PGAM4: variants seen among roughly 807,000 people sequenced by gnomAD.
The protein encoded by PGAM4 is phosphoglycerate mutase 4.
PGAM4 carries 7 observed loss-of-function variants against 10.8 expected under a neutral mutation model. That is an observed-to-expected ratio of 0.65 (90% CI 0.37 to 1.21). The LOEUF (loss-of-function observed/expected upper bound fraction) is 1.21, where lower values mean the gene tolerates loss of function less well. Ranked by LOEUF, PGAM4 falls within the 50% of genes most tolerant of loss-of-function variation. PGAM4 has a pLI of 0.02. For synonymous variants in PGAM4, 55 were observed against 90.3 expected (o/e 0.61, Z 2.22); for missense variants, 146 against 214.1 (o/e 0.68, Z 1.98).
In PGAM4 at chrX:77,969,265, G is replaced by A; in HGVS notation, c.374C>T (p.Pro125Leu). 1 of 1,211,702 alleles carries A rather than the reference G, an allele frequency of 8.3e-7. No homozygotes were observed. The highest frequency in any genetic ancestry group is 1.1e-6 in the Non-Finnish European group (1 of 895,390). ...WRRSYDVPPP[P>L]MEPDHPFYSN... ...GTAGAAAGGATGGTCGGGCTCCATC[G>A]GAGGTGGTGGGACATCATAGGAGCG... is the stretch of plus-strand genomic sequence containing the variant. Residue 125 changes from proline to leucine, a missense_variant, in exon 1 of 1, where the codon CCG becomes CTG. By Grantham distance (98) the Pro-to-Leu change is moderately conservative. Coordinates refer to ENST00000458128, the MANE Select transcript of PGAM4 (RefSeq NM_001029891.3).
chrX:77,969,071 G>A lies in PGAM4; in HGVS notation c.568C>T (p.Leu190Phe). 1 of 1,211,939 alleles carries A rather than the reference G, an allele frequency of 8.3e-7. No homozygotes were observed. The highest frequency in any genetic ancestry group is 3.0e-5 in the East Asian group (1 of 33,857). ...TCCACATGCTTGGCAATGCCCTGGA[G>A]GCTGTTGCCATGGGCTGCAATCAGT... ...RVLIAAHGNS[L>F]QGIAKHVEGL... Residue 190 changes from leucine (L) to phenylalanine (F), a missense_variant, in exon 1 of 1, where the codon CTC becomes TTC. By Grantham distance (22) the Leu-to-Phe change is conservative (BLOSUM62 0). Coordinates refer to ENST00000458128, the MANE Select transcript of PGAM4 (RefSeq NM_001029891.3).
rs1557229068 is a variant in PGAM4, at chrX:77,968,427, A to G, written c.*447T>C. On this transcript the variant is annotated 3_prime_UTR_variant, in exon 1 of 1. Transcript: ENST00000458128. ...TCACATCACCATGCAGATTACATTC[A>G]TCTTCCACTGGAATGACTAGAGCCC... is the stretch of plus-strand genomic sequence containing the variant. 8.9e-6 allele frequency among the ~76,000 whole-genome samples: 1 copy of G among 112,284 alleles called. No individual in the cohort carries two copies. Among genetic ancestry groups the G allele is most frequent in the Non-Finnish European group, 1.9e-5 (1 of 53,253 alleles).
rs191844393 is a variant in PGAM4 at position 77,969,560 on chromosome X, C to T, written c.79G>A (p.Asp27Asn). The change falls in exon 1 of 1, where the codon GAC (aspartate) becomes AAC (asparagine). Residue 27 changes from aspartate to asparagine, a missense_variant. Physicochemically the swap from Asp to Asn is conservative, Grantham distance 23. Coordinates refer to ENST00000458128, the MANE Select transcript of PGAM4 (RefSeq NM_001029891.3). The part of the protein sequence containing the change: ...NLENRFSCWY[D>N]ADLSPAGHEE... The stretch of plus-strand genomic sequence containing the variant: ...TGGCCCGCCGGGCTCAGATCGGCGT[C>T]GTACCAGCAGCTGAAGCGGTTCTCC... The T allele has an allele frequency of 2.7e-4, 323 of 1,210,342 alleles. No individual in the cohort carries two copies. Among genetic ancestry groups the T allele is most frequent in the Non-Finnish European group, 3.0e-4 (265 of 895,324 alleles).
chrX:77,968,911 A>G lies in PGAM4; in HGVS notation c.728T>C (p.Ile243Thr). Residue 243 changes from isoleucine to threonine, a missense_variant, in exon 1 of 1, where the codon ATA becomes ACA. By Grantham distance (89) the Ile-to-Thr change is moderately conservative. Transcript: ENST00000458128. ...LGDEETVCKA[I>T]EAVAAQGKAK... ...CTTGCCCTGGGCAGCCACAGCTTCT[A>G]TGGCTTTGCACACCGTCTCTTCATC... 8.3e-7 allele frequency: 1 copy of G among 1,210,226 alleles called. No homozygotes were observed. Among genetic ancestry groups the G allele is most frequent in the South Asian group, 1.8e-5 (1 of 56,931 alleles).
rs1421971021 is a variant in PGAM4 at position 77,968,592 on chromosome X, C to T, written c.*282G>A. Among the ~76,000 whole-genome samples, 1 of 112,260 alleles carries T rather than the reference C, an allele frequency of 8.9e-6. No individual in the cohort carries two copies. Among genetic ancestry groups the T allele is most frequent in the East Asian group, 2.8e-4 (1 of 3,562 alleles). ...TTAGTAAACAAAGCACTCACAAAAA[C>T]CCAAGTCACTACTTTTAAACTCTGT... On this transcript the variant is annotated 3_prime_UTR_variant, in exon 1 of 1. Transcript: ENST00000458128.
Position 77,969,325 on chromosome X carries a change from G to A in PGAM4, c.314C>T (p.Ala105Val). 3.3e-6 allele frequency: 4 copies of A among 1,211,532 alleles called. No homozygotes were observed. Among genetic ancestry groups the A allele is most frequent in the Non-Finnish European group, 3.4e-6 (3 of 895,415 alleles). Residue 105 changes from alanine to valine, a missense_variant, in exon 1 of 1, where the codon GCA becomes GTA. Physicochemically the swap from Ala to Val is moderately conservative, Grantham distance 64 (BLOSUM62 0). Coordinates refer to ENST00000458128, the MANE Select transcript of PGAM4 (RefSeq NM_001029891.3). The part of the protein sequence containing the change: ...LTGLNKAETA[A>V]KHGEAQVKIW... ...CTTCACCTGGGCCTCACCATGCTTT[G>A]CAGCAGTTTCTGCTTTATTGAGACC...
rs369946915 is a variant in PGAM4 at position 77,969,534 on chromosome X, G to A, written c.105C>T (p.His35=). 9.1e-6 allele frequency: 11 copies of A among 1,209,695 alleles called. No homozygotes were observed. The African/African-American group carries it at 1.6e-4, about 17-fold the overall frequency. Residue 35 remains histidine (H), a synonymous_variant, in exon 1 of 1, where the codon CAC becomes CAT. Transcript: ENST00000458128. ...CCTGCCCGCCGCGCTTCGCCTCCTCGTGGCCCGCCGGGCTCAGATCGGCGT... is the reference window on the plus strand; with the variant it reads ...CCTGCCCGCCGCGCTTCGCCTCCTCATGGCCCGCCGGGCTCAGATCGGCGT... ...WYDADLSPAG[H]EEAKRGGQAL...
rs1284590345 is a variant in PGAM4, at chrX:77,968,309, CT to C, written c.*564del. 8.9e-6 allele frequency among the ~76,000 whole-genome samples: 1 copy of C among 112,204 alleles called. No homozygotes were observed. Among genetic ancestry groups the C allele is most frequent in the Non-Finnish European group, 1.9e-5 (1 of 53,266 alleles). On this transcript the variant is annotated 3_prime_UTR_variant, in exon 1 of 1. Coordinates refer to ENST00000458128, the MANE Select transcript of PGAM4 (RefSeq NM_001029891.3). ...TTTTGTATTATTAATATATACTATA[CT>C]TTTTTAATAAAAGTAAATATAACAC...
rs1387124157 is a variant in PGAM4 at position 77,969,605 on chromosome X, C to T, written c.34G>A (p.Gly12Ser). 1.7e-6 allele frequency: 2 copies of T among 1,210,441 alleles called. No homozygotes were observed. The highest frequency in any genetic ancestry group is 1.8e-5 in the South Asian group (1 of 56,850). ...AAYKLVLIRH[G>S]ESTWNLENRF... ...TTCTCCAGGTTCCATGTGCTCTCGC[C>T]GTGCCGGATCAGCACCAGTTTGTAG... is the stretch of plus-strand genomic sequence containing the variant. Residue 12 changes from glycine (G) to serine (S), a missense_variant, in exon 1 of 1, where the codon GGC (glycine) becomes AGC (serine). Gly to Ser is a moderately conservative substitution (Grantham distance 56, BLOSUM62 0). Coordinates refer to ENST00000458128, the MANE Select transcript of PGAM4 (RefSeq NM_001029891.3).
rs370972288 is a variant in PGAM4 at position 77,968,866 on chromosome X, G to A, written c.*8C>T. ...TGCTCCTGGGGACAGTATCCTCCCC[G>A]CTGGCCTTCACTTCTTGGCCTTGCC... On this transcript the variant is annotated 3_prime_UTR_variant, in exon 1 of 1. Coordinates refer to ENST00000458128, the MANE Select transcript of PGAM4 (RefSeq NM_001029891.3). 89 of 1,208,773 alleles carry A rather than the reference G, an allele frequency of 7.4e-5. No homozygotes were observed. The highest frequency in any genetic ancestry group is 4.7e-4 in the African/African-American group (27 of 57,204).
chrX:77,969,069 G>T lies in PGAM4; in HGVS notation c.570C>A (p.Leu190=), dbSNP rs782613123. The change falls in exon 1 of 1, where the codon CTC becomes CTA. Residue 190 remains leucine (L), a synonymous_variant. Transcript: ENST00000458128. ...CCTCCACATGCTTGGCAATGCCCTG[G>T]AGGCTGTTGCCATGGGCTGCAATCA... ...RVLIAAHGNS[L]QGIAKHVEGL... The T allele has an allele frequency of 8.3e-7, 1 of 1,210,432 alleles. No individual in the cohort carries two copies. Among genetic ancestry groups the T allele is most frequent in the African/African-American group, 1.7e-5 (1 of 57,407 alleles).
In PGAM4 at chrX:77,969,588, G is replaced by A. The variant is rs1557229361; in HGVS notation, c.51C>T (p.Asn17=). ...ACCAGCAGCTGAAGCGGTTCTCCAG[G>A]TTCCATGTGCTCTCGCCGTGCCGGA... The part of the protein sequence containing the change: ...VLIRHGESTW[N]LENRFSCWYD... The change falls in exon 1 of 1, where the codon AAC becomes AAT. Residue 17 remains asparagine, a synonymous_variant. Transcript: ENST00000458128. 5.0e-6 allele frequency: 6 copies of A among 1,210,578 alleles called. No homozygotes were observed. Among genetic ancestry groups the A allele is most frequent in the Non-Finnish European group, 6.7e-6 (6 of 895,388 alleles).
rs1346163707 is a variant in PGAM4, at chrX:77,968,535, G to A, written c.*339C>T. ...CAGGCTCTGTTGCTTCTCCTCATTG[G>A]TCGTGGCTTAGCATGTTCCTCCCCA... On this transcript the variant is annotated 3_prime_UTR_variant, in exon 1 of 1. Coordinates refer to ENST00000458128, the MANE Select transcript of PGAM4 (RefSeq NM_001029891.3). Among the ~76,000 whole-genome samples, 1 of 111,634 alleles carries A rather than the reference G, an allele frequency of 9.0e-6. No individual in the cohort carries two copies. Among genetic ancestry groups the A allele is most frequent in the Non-Finnish European group, 1.9e-5 (1 of 53,142 alleles).
chrX:77,969,476 A>G lies in PGAM4; in HGVS notation c.163T>C (p.Cys55Arg), dbSNP rs1557229313. 1 of 1,210,708 alleles carries G rather than the reference A, an allele frequency of 8.3e-7. No individual in the cohort carries two copies. Among genetic ancestry groups the G allele is most frequent in the East Asian group, 3.0e-5 (1 of 33,834 alleles). The change falls in exon 1 of 1, where the codon TGC becomes CGC. Residue 55 changes from cysteine (C) to arginine (R), a missense_variant. Physicochemically the swap from Cys to Arg is radical, Grantham distance 180. Coordinates refer to ENST00000458128, the MANE Select transcript of PGAM4 (RefSeq NM_001029891.3). ...ACTCTCTTCTGCACTGAGGTGAGGC[A>G]GATGTCAAACTCATAGCCAGCATCT... ...LRDAGYEFDICLTSVQKRVIR... is the reference protein window; with the variant it reads ...LRDAGYEFDIRLTSVQKRVIR...
At position 77,969,101 on chromosome X, in the gene PGAM4, G is replaced by T; in HGVS notation, c.538C>A (p.Arg180Ser). ...EIVPQIKEGK[R>S]VLIAAHGNSL... ...TTGCCATGGGCTGCAATCAGTACAC[G>T]TTTCCCCTCCTTGATCTGGGGAACT... The change falls in exon 1 of 1, where the codon CGT (arginine) becomes AGT (serine). Residue 180 changes from arginine to serine, a missense_variant. Arg to Ser is a moderately radical substitution (Grantham distance 110, BLOSUM62 -1). Transcript: ENST00000458128. 2 of 1,211,574 alleles carry T rather than the reference G, an allele frequency of 1.7e-6. No individual in the cohort carries two copies. Among genetic ancestry groups the T allele is most frequent in the Non-Finnish European group, 2.2e-6 (2 of 895,375 alleles).
At position 77,968,948 on chromosome X, in the gene PGAM4, G is replaced by A. The variant is rs1310064792; in HGVS notation, c.691C>T (p.Gln231Ter). 8.3e-7 allele frequency: 1 copy of A among 1,208,944 alleles called. No individual in the cohort carries two copies. Among genetic ancestry groups the A allele is most frequent in the Non-Finnish European group, 1.1e-6 (1 of 895,292 alleles). The change falls in exon 1 of 1, where the codon CAG becomes TAG. Residue 231 changes from glutamine (Q) to a stop codon, truncating the protein, a stop_gained. Transcript: ENST00000458128. LOFTEE classifies it high-confidence loss of function. ...ACCGTCTCTTCATCCCCCAGAAACT[G>A]CATGGGCTTGATAGGCTTCAAGTTC... ...DKNLKPIKPMQFLGDEETVCK... is the reference protein window; with the variant it reads ...DKNLKPIKPM
In PGAM4 at chrX:77,968,829, C is replaced by T. The variant is rs782047376; in HGVS notation, c.*45G>A. 8.3e-7 allele frequency: 1 copy of T among 1,208,324 alleles called. No homozygotes were observed. Among genetic ancestry groups the T allele is most frequent in the Admixed American group, 2.2e-5 (1 of 45,900 alleles). On this transcript the variant is annotated 3_prime_UTR_variant, in exon 1 of 1. Coordinates refer to ENST00000458128, the MANE Select transcript of PGAM4 (RefSeq NM_001029891.3). ...GGTGGGAGGGGCAGAGGGACAAGAC[C>T]AGCAGGGAGGGTGCTCCTGGGGACA... is the stretch of plus-strand genomic sequence containing the variant.
In PGAM4 at chrX:77,968,336, A is replaced by T. The variant is rs189470519; in HGVS notation, c.*538T>A. Among the ~76,000 whole-genome samples the T allele has an allele frequency of 1.8e-5, 2 of 112,353 alleles. No homozygotes were observed. The highest frequency in any genetic ancestry group is 3.2e-5 in the African/African-American group (1 of 30,999). ...TTTTTAATAAAAGTAAATATAACAC[A>T]TAACGAAATTCAGGATTGATCCCAA... On this transcript the variant is annotated 3_prime_UTR_variant, in exon 1 of 1. Transcript: ENST00000458128.
rs782363641 is a variant in PGAM4 at position 77,968,383 on chromosome X, G to A, written c.*491C>T. On this transcript the variant is annotated 3_prime_UTR_variant, in exon 1 of 1. Transcript: ENST00000458128. ...CCAACCTAGAGCCAGATCCTCTGGG[G>A]TCAAGGAGGAAACAGTTGTCACATC... 8.9e-6 allele frequency among the ~76,000 whole-genome samples: 1 copy of A among 112,164 alleles called. No individual in the cohort carries two copies. The highest frequency in any genetic ancestry group is 3.7e-4 in the South Asian group (1 of 2,706).
Sources: allele counts gnomAD v4.1 joint callset (sites outside exome capture counted in the v4.1 genomes callset), GRCh38; gene constraint gnomAD v4.1.1; transcripts MANE v1.5; gene names NCBI Gene and HGNC (gene_info 2026-07-23, HGNC 2026-07-21).